SNX9: variants seen among roughly 807,000 people sequenced by gnomAD.
SNX9 encodes sorting nexin 9, also known as sorting nexin-9.
Under a neutral mutation model 89.4 loss-of-function variants are expected in SNX9, and 44 were observed. The ratio of observed to expected loss-of-function variants is 0.49; its 90% CI spans 0.39 to 0.63. The LOEUF is 0.63. SNX9 is among the 30% of genes least tolerant of loss of function. The probability of loss-of-function intolerance (pLI) is 0.00; values close to 1 mark genes in which losing one functional copy is unlikely to be tolerated. For synonymous variants in SNX9, 236 were observed against 247.8 expected, an observed-to-expected ratio of 0.95 and a Z score of 0.45; for missense variants, 578 against 736.1, an observed-to-expected ratio of 0.79 and a Z score of 2.49.
intron 1 of SNX9, among the ~76,000 whole-genome samples, chr6:157,861,663 T>A (rs945213057): frequency 6.6e-6 from 1 of 152,166 alleles, no homozygotes; most frequent in African/African-American, 2.4e-5. Flanking sequence ...TAGTCCCCCT[T>A]TAGTGACGGG....
At chr6:157,836,132 G>A (rs1185782914) in intron 1 of SNX9, among the ~76,000 whole-genome samples, 1 of 151,798 alleles carries the variant, frequency 6.6e-6, no homozygotes, top group Non-Finnish European at 1.5e-5. Context: ...TTGTTTGTTT[G>A]TAGAGACAGG....
At chr6:157,867,271 G>T (rs926537976) in intron 1 of SNX9, among the ~76,000 whole-genome samples, 1 of 152,140 alleles carries the variant, frequency 6.6e-6, no homozygotes, top group African/African-American at 2.4e-5. Flanking sequence ...GGTATATTTC[G>T]AGTAACTTTT....
chr6:157,832,406 A>AAGG (rs1456301501), intron 1 of SNX9, among the ~76,000 whole-genome samples: 9 of 152,314 alleles, frequency 5.9e-5, no homozygotes, highest in African/African-American at 2.2e-4. Context: ...CAATGTCTTG[A>AAGG]AGGAGGGCAG....
chr6:157,837,968 A>G (rs570832695), intron 1 of SNX9, among the ~76,000 whole-genome samples: 1 of 152,346 alleles, frequency 6.6e-6, no homozygotes, highest in African/African-American at 2.4e-5. Context: ...ATGCATGAAC[A>G]TCAAGGGATA....
At chr6:157,869,919 T>TA (rs976761193) in intron 2 of SNX9, among the ~76,000 whole-genome samples, 6 of 151,888 alleles carry the variant, frequency 4.0e-5, no homozygotes, top group Non-Finnish European at 8.8e-5. Flanking sequence ...CGCACCCTCA[T>TA]ACACCTCTCA....
intron 5 of SNX9, among the ~76,000 whole-genome samples, chr6:157,899,509 A>C (rs1430402020): frequency 1.3e-5 from 2 of 152,122 alleles, no homozygotes; most frequent in Non-Finnish European, 2.9e-5. Context: ...CTATATTTTC[A>C]CGCCTGTAAT....
At chr6:157,921,993 T>G (rs1783594009) in intron 10 of SNX9, among the ~76,000 whole-genome samples, 1 of 152,168 alleles carries the variant, frequency 6.6e-6, no homozygotes, top group African/African-American at 2.4e-5. Context: ...ATTATCAGCA[T>G]GAAGTGAGGG....
At chr6:157,903,123 T>C (rs1214097548) in intron 6 of SNX9, among the ~76,000 whole-genome samples, 1 of 152,232 alleles carries the variant, frequency 6.6e-6, no homozygotes, top group Admixed American at 6.5e-5. Flanking sequence ...AATTTATGAC[T>C]TCCATCAGAA....
At chr6:157,868,769 T>C (rs1782325060) in intron 2 of SNX9, among the ~76,000 whole-genome samples, 1 of 152,244 alleles carries the variant, frequency 6.6e-6, no homozygotes, top group Admixed American at 6.5e-5. Flanking sequence ...TGCAGGCTTA[T>C]ATAGATGGAG....
intron 4 of SNX9, among the ~76,000 whole-genome samples, chr6:157,886,548 T>C (rs1238293906): frequency 6.6e-6 from 1 of 152,180 alleles, no homozygotes; most frequent in Admixed American, 6.5e-5. Flanking sequence ...CAGATATAAA[T>C]TGTATATAAA....
chr6:157,844,464 A>G (rs970160227), intron 1 of SNX9, among the ~76,000 whole-genome samples: 3 of 152,154 alleles, frequency 2.0e-5, no homozygotes, highest in Non-Finnish European at 2.9e-5. Context: ...TGATCCATCA[A>G]GTGCAGAGTC....
chr6:157,891,064 C>T (rs1229350576), intron 4 of SNX9, among the ~76,000 whole-genome samples: 1 of 133,632 alleles, frequency 7.5e-6, no homozygotes, highest in Non-Finnish European at 1.6e-5. Flanking sequence ...CAGAGTCTCA[C>T]TCTGTCACCC....
chr6:157,899,325 C>G (rs1467364850), intron 5 of SNX9, among the ~76,000 whole-genome samples: 1 of 152,108 alleles, frequency 6.6e-6, no homozygotes, highest in Non-Finnish European at 1.5e-5. Context: ...TCGTCCCTTT[C>G]GTCCTCCCCA....
In SNX9 at chr6:157,928,486, G is replaced by A. The variant is rs1330574395; in HGVS notation, c.1185-113G>A. ...GTATTTAAGGCTAACTTAGTGAAAG[G>A]GGAGTTGTTATCATGCAAGAAAACA... is the stretch of plus-strand genomic sequence containing the variant. On this transcript the variant is annotated intron_variant, in intron 11 of 17. Transcript: ENST00000392185. The A allele has an allele frequency of 7.9e-6, 6 of 756,602 alleles. No individual in the cohort carries two copies. The East Asian group carries it at 1.7e-4, about 21-fold the overall frequency. 46.9% of individuals were successfully genotyped at this position (756,602 alleles called of 1,614,324 possible).
chr6:157,901,821 C>G, intron 5 of SNX9, 77 bp from the exon 6 acceptor site: 1 of 1,531,080 alleles, frequency 6.5e-7, no homozygotes, highest in Non-Finnish European at 8.8e-7. Context: ...TAGTTACTGT[C>G]AGAAAATTAA....
chr6:157,905,224 G>T (rs1783186010), intron 6 of SNX9, among the ~76,000 whole-genome samples: 1 of 152,146 alleles, frequency 6.6e-6, no homozygotes, highest in Admixed American at 6.5e-5. Context: ...AGCTGAGAAT[G>T]CAGGAAAAGA....
chr6:157,858,356 C>T (rs1782054685), intron 1 of SNX9, among the ~76,000 whole-genome samples: 1 of 151,522 alleles, frequency 6.6e-6, no homozygotes, highest in East Asian at 1.9e-4. Context: ...AAGTGATTCT[C>T]CTGCCTCAGC....
At chr6:157,878,156 T>C (rs1782554539) in intron 4 of SNX9, among the ~76,000 whole-genome samples, 1 of 152,146 alleles carries the variant, frequency 6.6e-6, no homozygotes, top group Non-Finnish European at 1.5e-5. Context: ...GTGAGCAGAG[T>C]TGCTGGTGTC....
At chr6:157,914,469 C>CTTTTTTTTTTTTTTCT (rs1783418313) in intron 9 of SNX9, among the ~76,000 whole-genome samples, 1 of 75,130 alleles carries the variant, frequency 1.3e-5, no homozygotes. Flanking sequence ...TTTTCTTTTT[C>CTTTTTTTTTTTTTTCT]TTTTTTTTTT....
Sources: allele counts gnomAD v4.1 joint callset (sites outside exome capture counted in the v4.1 genomes callset), GRCh38; gene constraint gnomAD v4.1.1; transcripts MANE v1.5; gene names NCBI Gene and HGNC (gene_info 2026-07-23, HGNC 2026-07-21).